Variants in PRCD observed in about 807,000 individuals in gnomAD.
PRCD encodes photoreceptor disc component.
PRCD carries 12 observed loss-of-function variants against 10.1 expected under a neutral mutation model. The ratio of observed to expected loss-of-function variants is 1.18; its 90% CI spans 0.76 to 1.92. PRCD has a LOEUF of 1.92. Among genes scored for constraint, PRCD ranks in the 40% most tolerant of loss-of-function variants. The pLI, the probability that PRCD is intolerant of heterozygous loss-of-function variation, is 0.00. For missense variants in PRCD, 61 were observed against 72.2 expected, an observed-to-expected ratio of 0.84 and a Z score of 0.56; for synonymous variants, 31 against 26.2, an observed-to-expected ratio of 1.18 and a Z score of -0.56.
chr17:76,541,349 A>T (rs2074991360), intron 2 of PRCD, among the ~76,000 whole-genome samples: 1 of 152,194 alleles, frequency 6.6e-6, no homozygotes, highest in Admixed American at 6.5e-5. Context: ...ACAAAGAGTA[A>T]AAAAGATCCG....
downstream of PRCD, chr17:76,546,946 G>A (rs1160940006): frequency 1.3e-5 from 2 of 152,234 alleles, no homozygotes; most frequent in African/African-American, 4.8e-5. The surrounding 1 kb of genome is among the most constrained non-coding windows in gnomAD (Gnocchi z 4.5). Flanking sequence ...TGACACCAAA[G>A]CTTGGGATAG....
At position 76,530,543 on chromosome 17, in the gene PRCD, T is replaced by G. The variant is rs2074824234; in HGVS notation, n.45+2710T>G. 6.6e-6 allele frequency among the ~76,000 whole-genome samples: 1 copy of G among 152,154 alleles called. No homozygotes were observed. Among genetic ancestry groups the G allele is most frequent in the Non-Finnish European group, 1.5e-5 (1 of 68,004 alleles). On this transcript the variant is annotated intron_variant and non_coding_transcript_variant, in intron 1 of 4. Transcript: ENST00000397633. This position sits in a 1 kb window ranked among gnomAD's most constrained non-coding sequence, Gnocchi z 6.1. ...TAGCCCTATTGAGGCAGAGGGCATT[T>G]AGCAGCACTGGTCGGCATGAGATGA...
upstream of PRCD, chr17:76,537,463 A>G: frequency 6.3e-7 from 1 of 1,597,256 alleles, no homozygotes; most frequent in South Asian, 1.1e-5. Flanking sequence ...CATAGCCTGC[A>G]CCGCCTTCCT....
At chr17:76,542,258 G>C (rs2075000753) in intron 2 of PRCD, among the ~76,000 whole-genome samples, 2 of 152,168 alleles carry the variant, frequency 1.3e-5, no homozygotes, top group Admixed American at 1.3e-4. Context: ...GGCCTGGCGT[G>C]ACTTAGCCAG....
chr17:76,534,915 AC>A (rs1318519730), intron 1 of PRCD, among the ~76,000 whole-genome samples: 2 of 152,046 alleles, frequency 1.3e-5, no homozygotes, highest in East Asian at 3.9e-4. Context: ...CGGTGTTTCC[AC>A]CTGAGACCCT....
upstream of PRCD, chr17:76,537,520 A>G (rs1238340565): frequency 6.4e-7 from 1 of 1,570,168 alleles, no homozygotes; most frequent in East Asian, 2.5e-5. Flanking sequence ...CTCGATCTCC[A>G]TCTCGCCTGG....
In PRCD at chr17:76,540,255, G is replaced by GGC. The variant is rs2074973185; in HGVS notation, c.74+41_74+42insCG. 8.2e-6 allele frequency: 9 copies of GGC among 1,095,462 alleles called. No homozygotes were observed. The highest frequency in any genetic ancestry group is 2.0e-5 in the Admixed American group (1 of 49,050). 67.9% of individuals were successfully genotyped at this position (1,095,462 alleles called of 1,614,324 possible). ...GGGCTATGGCTGGCGGTTGGTCGGG[G>GGC]GGGGGGGGCATGGGGCTGGGCTGCC... On this transcript the variant is annotated intron_variant, in intron 1 of 4. Transcript: ENST00000592014. The surrounding 1 kb of genome is among the most constrained non-coding windows in gnomAD (Gnocchi z 5.0).
In PRCD at chr17:76,531,216, C is replaced by T; in HGVS notation, n.45+3383C>T. 1 of 1,463,478 alleles carries T rather than the reference C, an allele frequency of 6.8e-7. No homozygotes were observed. The highest frequency in any genetic ancestry group is 9.3e-7 in the Non-Finnish European group (1 of 1,069,596). 90.7% of individuals were successfully genotyped at this position (1,463,478 alleles called of 1,614,324 possible). A position where few individuals can be genotyped will look rare whatever the true frequency, so the allele number is the denominator to read the frequency against. The stretch of plus-strand genomic sequence containing the variant: ...CCTGCAACCCCCAGGCCCCTCCGCC[C>T]CACGTGTGGCCGAGAGGATCATTCC... On this transcript the variant is annotated intron_variant and non_coding_transcript_variant, in intron 1 of 4. Coordinates refer to the PRCD transcript ENST00000397633. This position sits in a 1 kb window ranked among gnomAD's most constrained non-coding sequence, Gnocchi z 7.4.
chr17:76,528,679 G>T lies in PRCD; in HGVS notation n.45+846G>T. On this transcript the variant is annotated intron_variant and non_coding_transcript_variant, in intron 1 of 4. Transcript: ENST00000397633. The surrounding 1 kb of genome is among the most constrained non-coding windows in gnomAD (Gnocchi z 5.8). ...CAGGGAAGGACCCTCGGGGGAAAGGGGGAGGACCTGGGGCTGGCGAGGCTC... is the reference window on the plus strand; with the variant it reads ...CAGGGAAGGACCCTCGGGGGAAAGGTGGAGGACCTGGGGCTGGCGAGGCTC... The T allele has an allele frequency of 2.4e-6, 3 of 1,229,050 alleles. No homozygotes were observed. The highest frequency in any genetic ancestry group is 3.1e-6 in the Non-Finnish European group (3 of 969,234). The allele number at this position is 1,229,050 out of a possible 1,614,324, so 76.1% of individuals were successfully genotyped here.
Position 76,531,369 on chromosome 17 carries a change from G to C in PRCD, n.45+3536G>C. 1.4e-6 allele frequency: 2 copies of C among 1,474,662 alleles called. No homozygotes were observed. Among genetic ancestry groups the C allele is most frequent in the Non-Finnish European group, 1.9e-6 (2 of 1,080,608 alleles). The allele number at this position is 1,474,662 out of a possible 1,614,324, so 91.3% of individuals were successfully genotyped here. ...CGCAGCCACTCCGGGGATCACCTCT[G>C]TTGCTCCAGAGAGCCGTCGCAGAGC... On this transcript the variant is annotated intron_variant and non_coding_transcript_variant, in intron 1 of 4. Transcript: ENST00000397633. This position sits in a 1 kb window ranked among gnomAD's most constrained non-coding sequence, Gnocchi z 7.4.
intron 1 of PRCD, among the ~76,000 whole-genome samples, chr17:76,534,723 C>T (rs1355855299): frequency 6.6e-6 from 1 of 152,232 alleles, no homozygotes; most frequent in Non-Finnish European, 1.5e-5. Flanking sequence ...AGTTTCCCTA[C>T]ACTGCCTGGA....
intron 1 of PRCD, among the ~76,000 whole-genome samples, chr17:76,532,509 C>A (rs2074857490): frequency 6.6e-6 from 1 of 150,544 alleles, no homozygotes; most frequent in Non-Finnish European, 1.5e-5. Context: ...TGGGGCCCTG[C>A]AGTGTGAAAA....
At position 76,544,263 on chromosome 17, in the gene PRCD, T is replaced by A. The variant is rs1598215318; in HGVS notation, c.*613T>A. The A allele has an allele frequency of 2.2e-6, 1 of 454,486 alleles. No individual in the cohort carries two copies. Among genetic ancestry groups the A allele is most frequent in the Admixed American group, 2.3e-5 (1 of 42,572 alleles). 28.2% of individuals were successfully genotyped at this position (454,486 alleles called of 1,614,324 possible). A position where few individuals can be genotyped will look rare whatever the true frequency, so the allele number is the denominator to read the frequency against. On this transcript the variant is annotated 3_prime_UTR_variant, in exon 5 of 5. Coordinates refer to ENST00000592014, the MANE Select transcript of PRCD (RefSeq NM_001077620.3). ...CCCCTCCCAGCCCAGCGGCGATGTC[T>A]CTGCCTGGCTGGCCCGTGCCCTTGA...
chr17:76,539,440 T>C (rs2074960925), upstream of PRCD, among the ~76,000 whole-genome samples: 1 of 152,230 alleles, frequency 6.6e-6, no homozygotes, highest in Non-Finnish European at 1.5e-5. Flanking sequence ...GAATTCTGCC[T>C]TTTACTGAAG....
At chr17:76,551,207 T>C (rs933766419) in intron 1 of PRCD, 1 of 152,154 alleles carries the variant, frequency 6.6e-6, no homozygotes, top group African/African-American at 2.4e-5. Flanking sequence ...GAAGGGACTT[T>C]CAAGGCAACA....
rs1244258018 is a variant in PRCD, at chr17:76,528,497, G to A, written n.45+664G>A. ...ATTCCTCCAGCTTCCTTGGCACCCA[G>A]AAATGGAGCGTCAAGGAGGGTCTTC... On this transcript the variant is annotated intron_variant and non_coding_transcript_variant, in intron 1 of 4. Transcript: ENST00000397633. The surrounding 1 kb of genome is among the most constrained non-coding windows in gnomAD (Gnocchi z 5.8). 1.7e-6 allele frequency: 2 copies of A among 1,187,642 alleles called. No homozygotes were observed. The highest frequency in any genetic ancestry group is 1.6e-5 in the African/African-American group (1 of 62,990). 73.6% of individuals were successfully genotyped at this position (1,187,642 alleles called of 1,614,324 possible). A position where few individuals can be genotyped will look rare whatever the true frequency, so the allele number is the denominator to read the frequency against.
At chr17:76,548,293 C>G (rs2075076213), downstream of PRCD, among the ~76,000 whole-genome samples, 1 of 152,178 alleles carries the variant, frequency 6.6e-6, no homozygotes, top group Non-Finnish European at 1.5e-5. Flanking sequence ...CACAGAGAGA[C>G]ATACACATAC....
chr17:76,529,139 T>TA (rs1555623051), intron 1 of PRCD: 2 of 975,716 alleles, frequency 2.0e-6, no homozygotes, highest in Admixed American at 6.9e-5. Flanking sequence ...GCTTCCCTGA[T>TA]AAGAGAAGTT....
upstream of PRCD, among the ~76,000 whole-genome samples, chr17:76,539,141 T>C (rs1383092804): frequency 6.6e-6 from 1 of 151,698 alleles, no homozygotes; most frequent in African/African-American, 2.4e-5. Flanking sequence ...GGGGAGCGGG[T>C]GGGTTCAGGT....
Sources: gnomAD v4.1 joint callset for allele counts (sites outside exome capture counted in the v4.1 genomes callset) on GRCh38, gnomAD v4.1.1 for gene constraint, Gnocchi (gnomAD v3.1) non-coding constraint, MANE v1.5 for transcripts, NCBI Gene and HGNC (gene_info 2026-07-23, HGNC 2026-07-21) for gene names.